The following MAN1B1 variants were observed in gnomAD, a reference collection of about 807,000 sequenced individuals.
MAN1B1 encodes endoplasmic reticulum mannosyl-oligosaccharide 1,2-alpha-mannosidase.
In MAN1B1, 66 loss-of-function variants were observed where a neutral mutation model predicts 75.5. That is an observed-to-expected ratio of 0.87 (90% CI 0.72 to 1.07). The LOEUF (loss-of-function observed/expected upper bound fraction) is 1.07. Ranked by LOEUF, MAN1B1 falls within the 50% of genes least tolerant of loss-of-function variation. The probability of loss-of-function intolerance (pLI) is 0.00; values close to 1 mark genes in which losing one functional copy is unlikely to be tolerated. For missense variants in MAN1B1, 973 were observed against 912.5 expected, an observed-to-expected ratio of 1.07 and a Z score of -0.85; for synonymous variants, 453 against 382.8, an observed-to-expected ratio of 1.18 and a Z score of -2.14.
At chr9:137,089,811 A>C (rs1484066847) in intron 3 of MAN1B1, among the ~76,000 whole-genome samples, 1 of 151,734 alleles carries the variant, frequency 6.6e-6, no homozygotes, top group African/African-American at 2.4e-5. Flanking sequence ...CCCCGGGTGG[A>C]GGGGCCAGCA....
At chr9:137,104,149 C>T (rs1432407834) in intron 8 of MAN1B1, 3 of 441,498 alleles carry the variant, frequency 6.8e-6, no homozygotes, top group African/African-American at 2.0e-5. Flanking sequence ...CCTCCCCAGT[C>T]CCTGAAAAAC....
intron 3 of MAN1B1, among the ~76,000 whole-genome samples, chr9:137,095,912 G>A (rs917309044): frequency 1.1e-4 from 16 of 152,172 alleles, no homozygotes; most frequent in African/African-American, 3.9e-4. Context: ...GGAGGCCTGG[G>A]GACCCAGAGG....
intron 10 of MAN1B1, 56 bp downstream of exon 10, chr9:137,106,865 G>A (rs2131129746): frequency 8.2e-6 from 13 of 1,591,600 alleles, no homozygotes; most frequent in Admixed American, 3.4e-5. Flanking sequence ...GGCTTCCAAG[G>A]TGCCTGAGTC....
chr9:137,088,106 A>G lies in MAN1B1; in HGVS notation c.251A>G (p.Asn84Ser). The change falls in exon 2 of 13, where the codon AAT becomes AGT. Residue 84 changes from asparagine (N) to serine (S), a missense_variant. Physicochemically the swap from Asn to Ser is conservative, Grantham distance 46 (BLOSUM62 1). Coordinates refer to ENST00000371589, the MANE Select transcript of MAN1B1 (RefSeq NM_016219.5). Reference protein sequence around the residue: ...KWKQLSRLQRNMILFLLAFLL... With the variant: ...KWKQLSRLQRSMILFLLAFLL... ...AAGCAACTGTCGAGATTGCAGCGGA[A>G]TATGATTCTCTTCCTCCTTGCCTTT... 1 of 1,614,216 alleles carries G rather than the reference A, an allele frequency of 6.2e-7. No individual in the cohort carries two copies. Among genetic ancestry groups the G allele is most frequent in the Non-Finnish European group, 8.5e-7 (1 of 1,180,034 alleles).
At chr9:137,088,028 C>T (rs374984976) in intron 1 of MAN1B1, 47 bp from the exon 2 acceptor site, 16 of 1,385,626 alleles carry the variant, frequency 1.2e-5, no homozygotes, top group Non-Finnish European at 1.5e-5. Context: ...TGAGACGTTC[C>T]GTGTGATATA....
At chr9:137,104,051 A>T in intron 8 of MAN1B1, 4 of 457,444 alleles carry the variant, frequency 8.7e-6, no homozygotes, top group South Asian at 4.6e-5. Context: ...ACACACATTC[A>T]TGCTGTTGTG....
At chr9:137,105,717 TCATCAGGAG>T (rs1831069815) in intron 8 of MAN1B1, 1 of 367,522 alleles carries the variant, frequency 2.7e-6, no homozygotes, top group Non-Finnish European at 5.3e-6. Context: ...GCGTTTAATA[TCATCAGGAG>T]CAACACTGGG....
intron 8 of MAN1B1, chr9:137,102,742 C>A: frequency 2.5e-6 from 1 of 395,768 alleles, no homozygotes; most frequent in South Asian, 1.6e-5. Flanking sequence ...GCGTGCAGGT[C>A]GGTGGTGTTA....
chr9:137,098,208 G>T (rs889257771), intron 5 of MAN1B1, among the ~76,000 whole-genome samples: 2 of 152,244 alleles, frequency 1.3e-5, no homozygotes, highest in South Asian at 4.1e-4. Flanking sequence ...GATCCCTGGA[G>T]ACTGCTGCCC....
In MAN1B1 at chr9:137,102,458, T is replaced by C. The variant is rs1266285016; in HGVS notation, c.1254+786T>C. ...ATTCACACTGTTGCAGGCGTGCAGG[T>C]CGGTGGTGTTACACACATTCATTCT... is the stretch of plus-strand genomic sequence containing the variant. On this transcript the variant is annotated intron_variant, in intron 8 of 12. Transcript: ENST00000371589. The C allele has an allele frequency of 7.2e-6, 3 of 415,470 alleles. No individual in the cohort carries two copies. In the East Asian group the frequency reaches 2.4e-4, roughly 33 times the overall value. The allele number at this position is 415,470 out of a possible 1,614,324, so 25.7% of individuals were successfully genotyped here.
At chr9:137,094,452 G>C (rs1830599923) in intron 3 of MAN1B1, 1 of 449,094 alleles carries the variant, frequency 2.2e-6, no homozygotes, top group South Asian at 1.7e-5. Context: ...AGAGACTAGA[G>C]AAACACAGTG....
Position 137,095,242 on chromosome 9 carries a change from A to G in MAN1B1, c.466-995A>G, listed in dbSNP as rs918820010. Among the ~76,000 whole-genome samples, 26 of 150,914 alleles carry G rather than the reference A, an allele frequency of 1.7e-4. 1 individual carries two copies. The highest frequency in any genetic ancestry group is 3.1e-4 in the Non-Finnish European group (21 of 67,860). ...CTAATTGTTCGTAATTTTAGTAGAG[A>G]TGGTGTTTCACCATGTTGCCCAGGT... On this transcript the variant is annotated intron_variant, in intron 3 of 12. Coordinates refer to ENST00000371589, the MANE Select transcript of MAN1B1 (RefSeq NM_016219.5).
At chr9:137,102,466 G>T (rs1386058475) in intron 8 of MAN1B1, 2 of 425,250 alleles carry the variant, frequency 4.7e-6, no homozygotes, top group Admixed American at 5.2e-5. Context: ...GGTCGGTGGT[G>T]TTACACACAT....
chr9:137,099,374 G>A (rs1830744175), intron 5 of MAN1B1, among the ~76,000 whole-genome samples: 1 of 152,256 alleles, frequency 6.6e-6, no homozygotes, highest in Non-Finnish European at 1.5e-5. Flanking sequence ...TTTGGCCAGA[G>A]GCCACCGAGG....
Position 137,107,432 on chromosome 9 carries a change from G to C in MAN1B1, c.1749G>C (p.Arg583=). 1 of 1,613,436 alleles carries C rather than the reference G, an allele frequency of 6.2e-7. No homozygotes were observed. Among genetic ancestry groups the C allele is most frequent in the Middle Eastern group, 1.6e-4 (1 of 6,062 alleles). The change falls in exon 11 of 13, where the codon CGG becomes CGC. Residue 583 remains arginine, a synonymous_variant. Transcript: ENST00000371589. ...ACCTTTACCCCCAGCCGGGCCGTCG[G>C]GACGTGGAGGTCAAGGTGGGCCTGG... ...HFNLYPQPGR[R]DVEVKPADRH...
chr9:137,107,183 T>C, intron 10 of MAN1B1, 67 bp from the exon 11 acceptor site: 1 of 1,549,694 alleles, frequency 6.5e-7, no homozygotes, highest in Non-Finnish European at 8.8e-7. Context: ...CCACGTTGGC[T>C]GCCCGTGCAG....
chr9:137,109,086 C>T lies in MAN1B1; in HGVS notation c.*495C>T, dbSNP rs905978033. 2.2e-6 allele frequency: 1 copy of T among 455,752 alleles called. No individual in the cohort carries two copies. Among genetic ancestry groups the T allele is most frequent in the African/African-American group, 2.0e-5 (1 of 50,060 alleles). The allele number at this position is 455,752 out of a possible 1,614,324, so 28.2% of individuals were successfully genotyped here. A position where few individuals can be genotyped will look rare whatever the true frequency, so the allele number is the denominator to read the frequency against. On this transcript the variant is annotated 3_prime_UTR_variant, in exon 13 of 13. Coordinates refer to ENST00000371589, the MANE Select transcript of MAN1B1 (RefSeq NM_016219.5). ...CTCAGGGATCCTCCTGGCCGCCCCGCAGGGGGCTTGGAGGGCTGGACGGCA... is the reference window on the plus strand; with the variant it reads ...CTCAGGGATCCTCCTGGCCGCCCCGTAGGGGGCTTGGAGGGCTGGACGGCA...
At chr9:137,105,685 A>C (rs1261121278) in intron 8 of MAN1B1, 1 of 343,672 alleles carries the variant, frequency 2.9e-6, no homozygotes, top group African/African-American at 2.2e-5. Context: ...GTAGGAGCTC[A>C]CCAGGAGGGC....
chr9:137,102,139 G>C (rs758542590), intron 8 of MAN1B1: 1 of 441,830 alleles, frequency 2.3e-6, no homozygotes, highest in African/African-American at 2.3e-5. Context: ...TGTTGCAGGC[G>C]TGCAGGTCGG....
Sources: allele counts gnomAD v4.1 joint callset (sites outside exome capture counted in the v4.1 genomes callset), GRCh38; gene constraint gnomAD v4.1.1; transcripts MANE v1.5; gene names NCBI Gene and HGNC (gene_info 2026-07-23, HGNC 2026-07-21).